THSD7A: variants seen among roughly 807,000 people sequenced by gnomAD.
THSD7A encodes the protein thrombospondin type-1 domain-containing protein 7A.
A neutral mutation model predicts 231.3 loss-of-function variants in THSD7A; 96 were observed. The observed-to-expected ratio is 0.41, with a 90% confidence interval of 0.35 to 0.49. THSD7A has a LOEUF of 0.49. THSD7A is among the 20% of genes least tolerant of loss of function. The pLI is 0.05. For synonymous variants in THSD7A, 940 were observed against 743.3 expected, an observed-to-expected ratio of 1.26 and a Z score of -4.30; for missense variants, 2,290 against 2,070.2, an observed-to-expected ratio of 1.11 and a Z score of -2.06.
At chr7:11,535,540 C>T (rs900063552) in intron 6 of THSD7A, among the ~76,000 whole-genome samples, 1 of 151,508 alleles carries the variant, frequency 6.6e-6, no homozygotes, top group Non-Finnish European at 1.5e-5. Flanking sequence ...TAGTTTTAGA[C>T]GATCCTAATT....
At chr7:11,583,493 C>G (rs1300224501) in intron 4 of THSD7A, among the ~76,000 whole-genome samples, 1 of 152,070 alleles carries the variant, frequency 6.6e-6, no homozygotes, top group Non-Finnish European at 1.5e-5. Flanking sequence ...ACAGTCTGGT[C>G]TCGAACTCCC....
At chr7:11,705,778 G>A (rs1238616144) in intron 1 of THSD7A, among the ~76,000 whole-genome samples, 1 of 150,936 alleles carries the variant, frequency 6.6e-6, no homozygotes, top group East Asian at 2.0e-4. Context: ...GCTCATAGGT[G>A]TATTAGAGAT....
chr7:11,648,099 C>G (rs1782351634), intron 1 of THSD7A, among the ~76,000 whole-genome samples: 2 of 152,190 alleles, frequency 1.3e-5, no homozygotes, highest in South Asian at 4.1e-4. Context: ...ACTAGATAAG[C>G]CATTTGCCAT....
intron 16 of THSD7A, among the ~76,000 whole-genome samples, chr7:11,421,364 G>A (rs894579043): frequency 3.9e-5 from 6 of 152,082 alleles, no homozygotes; most frequent in Non-Finnish European, 2.9e-5. Flanking sequence ...CTCTCCTGCT[G>A]CCATGTGAAG....
Position 11,637,019 on chromosome 7 carries a change from T to A in THSD7A, c.191-58A>T, listed in dbSNP as rs1584123256. On this transcript the variant is annotated intron_variant, in intron 1 of 27. Transcript: ENST00000423059. The surrounding 1 kb of genome is among the most constrained non-coding windows in gnomAD (Gnocchi z 4.2). ...CTACTAGAAGAAAACTACAAGTTAC[T>A]GCACATTCCAGAAAGACCTTTCAAG... 6.7e-6 allele frequency: 10 copies of A among 1,486,574 alleles called. No homozygotes were observed. Among genetic ancestry groups the A allele is most frequent in the Non-Finnish European group, 8.2e-6 (9 of 1,104,070 alleles). 92.1% of individuals were successfully genotyped at this position (1,486,574 alleles called of 1,614,324 possible). A position where few individuals can be genotyped will look rare whatever the true frequency, so the allele number is the denominator to read the frequency against.
intron 1 of THSD7A, among the ~76,000 whole-genome samples, chr7:11,746,912 G>C (rs765486825): frequency 7.3e-5 from 11 of 151,612 alleles, no homozygotes; most frequent in Non-Finnish European, 1.6e-4. Flanking sequence ...TTTTTTGAAA[G>C]ATAATATTGA....
At chr7:11,742,592 T>C (rs1782150616) in intron 1 of THSD7A, among the ~76,000 whole-genome samples, 2 of 151,948 alleles carry the variant, frequency 1.3e-5, no homozygotes, top group Non-Finnish European at 2.9e-5. Flanking sequence ...GCTATATCCA[T>C]TTCTAAGAAA....
chr7:11,460,879 A>G, intron 10 of THSD7A, 114 bp from the exon 11 acceptor site: 1 of 741,820 alleles, frequency 1.3e-6, no homozygotes, highest in Non-Finnish European at 2.3e-6. Flanking sequence ...TTATTTAGCA[A>G]TGCTCAGTTC....
At chr7:11,476,400 C>T (rs1460639795) in intron 7 of THSD7A, among the ~76,000 whole-genome samples, 1 of 151,238 alleles carries the variant, frequency 6.6e-6, no homozygotes, top group Non-Finnish European at 1.5e-5. Flanking sequence ...TTACCTTCTC[C>T]AGTACATTAA....
intron 6 of THSD7A, among the ~76,000 whole-genome samples, chr7:11,514,756 C>G (rs1787956643): frequency 6.6e-6 from 1 of 152,138 alleles, no homozygotes; most frequent in Admixed American, 6.6e-5. Flanking sequence ...CGTGTGCTTA[C>G]TTTATTAGTT....
chr7:11,390,267 A>C (rs951371293), intron 23 of THSD7A, among the ~76,000 whole-genome samples: 4 of 125,078 alleles, frequency 3.2e-5, no homozygotes, highest in African/African-American at 1.1e-4. Flanking sequence ...GTCTTTTCAC[A>C]TAGTCCCATA....
At position 11,529,859 on chromosome 7, in the gene THSD7A, T is replaced by A. The variant is rs116337155; in HGVS notation, c.1822+11560A>T. 5.2e-3 allele frequency among the ~76,000 whole-genome samples: 785 copies of A among 152,302 alleles called. 7 individuals are homozygous for A. Among genetic ancestry groups the A allele is most frequent in the African/African-American group, 0.018 (742 of 41,560 alleles). ...GGCAGTCTCTATGCTCAGCTAACTT[T>A]CTCTCTATTGAACCCACCTTAGAGG... is the stretch of plus-strand genomic sequence containing the variant. On this transcript the variant is annotated intron_variant, in intron 6 of 27. Transcript: ENST00000423059.
At chr7:11,690,373 C>T (rs1780194793) in intron 1 of THSD7A, among the ~76,000 whole-genome samples, 1 of 151,730 alleles carries the variant, frequency 6.6e-6, no homozygotes, top group African/African-American at 2.4e-5. Context: ...AGTAGGTTCT[C>T]AATTTGACAA....
chr7:11,542,818 G>C, intron 5 of THSD7A, 144 bp downstream of exon 5: 2 of 887,246 alleles, frequency 2.3e-6, no homozygotes, highest in South Asian at 1.8e-5. Context: ...CACTGGAGAA[G>C]GTTAATTCAT....
intron 6 of THSD7A, among the ~76,000 whole-genome samples, chr7:11,527,939 T>G (rs1003656168): frequency 3.2e-4 from 48 of 152,228 alleles, no homozygotes; most frequent in African/African-American, 1.1e-3. Context: ...GATTGGTTGA[T>G]CCCAGGAGTT....
intron 4 of THSD7A, among the ~76,000 whole-genome samples, chr7:11,555,707 T>C (rs1432555177): frequency 2.6e-5 from 4 of 151,800 alleles, no homozygotes; most frequent in African/African-American, 9.7e-5. Flanking sequence ...TTTGTCTATT[T>C]CTCCTTTCAG....
chr7:11,395,224 G>T (rs12699188), intron 23 of THSD7A, among the ~76,000 whole-genome samples: 1 of 151,182 alleles, frequency 6.6e-6, no homozygotes, highest in African/African-American at 2.4e-5. Context: ...AAGAGACAAA[G>T]AAGAGCATTA....
intron 1 of THSD7A, among the ~76,000 whole-genome samples, chr7:11,657,238 T>C (rs912668806): frequency 1.3e-5 from 2 of 151,792 alleles, no homozygotes; most frequent in Non-Finnish European, 2.9e-5. Context: ...AAATCCTTAG[T>C]AGAACTCACA....
intron 11 of THSD7A, among the ~76,000 whole-genome samples, chr7:11,448,054 C>G (rs1336499838): frequency 1.3e-5 from 2 of 152,060 alleles, no homozygotes; most frequent in Non-Finnish European, 2.9e-5. Context: ...TGTCAAAGTC[C>G]TCCATCTCCT....
Sources: gnomAD v4.1 joint callset for allele counts (sites outside exome capture counted in the v4.1 genomes callset) on GRCh38, gnomAD v4.1.1 for gene constraint, Gnocchi (gnomAD v3.1) non-coding constraint, MANE v1.5 for transcripts, NCBI Gene and HGNC (gene_info 2026-07-23, HGNC 2026-07-21) for gene names.